The following KCNK13 variants were observed in gnomAD, a reference collection of about 807,000 sequenced individuals.
KCNK13 encodes the protein potassium two pore domain channel subfamily K member 13.
In KCNK13, 12 loss-of-function variants were observed where a neutral mutation model predicts 23.4. The observed-to-expected ratio is 0.51, with a 90% CI of 0.33 to 0.83. KCNK13 has a LOEUF of 0.83. Among genes scored for constraint, KCNK13 ranks in the 40% least tolerant of loss-of-function variants. The pLI is 0.02. For missense variants in KCNK13, 463 were observed against 556.3 expected (o/e 0.83, Z 1.69); for synonymous variants, 231 against 229.5 (o/e 1.01, Z -0.06).
At chr14:90,176,185 A>G (rs967144812) in intron 1 of KCNK13, among the ~76,000 whole-genome samples, 1 of 152,198 alleles carries the variant, frequency 6.6e-6, no homozygotes, top group African/African-American at 2.4e-5. Context: ...AGAAGTCTGC[A>G]TTGCAGACAT....
At chr14:90,128,161 C>T (rs1889824972) in intron 1 of KCNK13, among the ~76,000 whole-genome samples, 1 of 152,180 alleles carries the variant, frequency 6.6e-6, no homozygotes, top group Non-Finnish European at 1.5e-5. Context: ...TCGTCTTTAA[C>T]ACTGGATCAA....
intron 1 of KCNK13, among the ~76,000 whole-genome samples, chr14:90,138,136 C>T (rs1889960479): frequency 6.6e-6 from 1 of 152,054 alleles, no homozygotes; most frequent in South Asian, 2.1e-4. Context: ...CTTTTTATTT[C>T]CATGCTATTT....
intron 1 of KCNK13, among the ~76,000 whole-genome samples, chr14:90,148,181 T>TAAC (rs903043870): frequency 1.3e-5 from 2 of 152,068 alleles, no homozygotes; most frequent in African/African-American, 2.4e-5. Context: ...ATAATAATAA[T>TAAC]AACAAGTCTT....
chr14:90,139,834 C>T (rs939614559), intron 1 of KCNK13, among the ~76,000 whole-genome samples: 5 of 152,104 alleles, frequency 3.3e-5, no homozygotes, highest in South Asian at 4.2e-4. Flanking sequence ...TCATGGCACA[C>T]GCCTGTAGTC....
intron 1 of KCNK13, among the ~76,000 whole-genome samples, chr14:90,151,998 G>T (rs572450278): frequency 1.3e-5 from 2 of 151,946 alleles, no homozygotes; most frequent in South Asian, 2.1e-4. Flanking sequence ...TTTTTATGTC[G>T]ATACTGTATT....
At chr14:90,107,095 G>A (rs1011319047) in intron 1 of KCNK13, among the ~76,000 whole-genome samples, 4 of 152,144 alleles carry the variant, frequency 2.6e-5, no homozygotes, top group Non-Finnish European at 4.4e-5. Context: ...TTGTACCTGC[G>A]GGTAGGCTGA....
intron 1 of KCNK13, among the ~76,000 whole-genome samples, chr14:90,092,808 A>G (rs2140401929): frequency 6.7e-6 from 1 of 148,302 alleles, no homozygotes; most frequent in African/African-American, 2.5e-5. Flanking sequence ...TCTACTCAGG[A>G]GGCTGAAGTG....
At chr14:90,157,757 G>A (rs4900024) in intron 1 of KCNK13, among the ~76,000 whole-genome samples, 55,862 of 142,558 alleles carry the variant, frequency 0.39, 11,555 homozygotes, top group East Asian at 0.84. Context: ...GCTGGAGTGC[G>A]ATGGCCTGAT....
At chr14:90,171,319 T>C (rs572067688) in intron 1 of KCNK13, among the ~76,000 whole-genome samples, 4 of 152,328 alleles carry the variant, frequency 2.6e-5, no homozygotes, top group African/African-American at 9.6e-5. Context: ...ATCCCATTAT[T>C]CCTTCTTGGT....
In KCNK13 at chr14:90,184,718, G is replaced by A. The variant is rs1890528666; in HGVS notation, c.942G>A (p.Val314=). 1.2e-6 allele frequency: 2 copies of A among 1,614,200 alleles called. No homozygotes were observed. The highest frequency in any genetic ancestry group is 1.7e-6 in the Non-Finnish European group (2 of 1,180,048). ...RGLLRSRRNV[V]MPGSVRNRCN... The stretch of plus-strand genomic sequence containing the variant: ...TCTTGCGATCACGCAGGAACGTGGT[G>A]ATGCCAGGCAGCGTCCGGAACCGCT... Residue 314 remains valine (V), a synonymous_variant, in exon 2 of 2, where the codon GTG becomes GTA. Transcript: ENST00000282146. The surrounding 1 kb of genome is among the most constrained non-coding windows in gnomAD (Gnocchi z 5.6).
chr14:90,108,007 G>T (rs2140410572), intron 1 of KCNK13: 3 of 686,590 alleles, frequency 4.4e-6, no homozygotes, highest in South Asian at 2.9e-5. Context: ...CACAGAGCAG[G>T]CCACACGCTG....
chr14:90,062,526 C>A lies in KCNK13; in HGVS notation c.321C>A (p.Val107=), dbSNP rs1888957386. The A allele has an allele frequency of 1.3e-6, 2 of 1,513,268 alleles. No homozygotes were observed. Among genetic ancestry groups the A allele is most frequent in the East Asian group, 5.0e-5 (2 of 39,888 alleles). 93.7% of individuals were successfully genotyped at this position (1,513,268 alleles called of 1,614,324 possible). A position where few individuals can be genotyped will look rare whatever the true frequency, so the allele number is the denominator to read the frequency against. Residue 107 remains valine (V), a synonymous_variant, in exon 1 of 2, where the codon GTC becomes GTA. Coordinates refer to ENST00000282146, the MANE Select transcript of KCNK13 (RefSeq NM_022054.4). This position sits in a 1 kb window ranked among gnomAD's most constrained non-coding sequence, Gnocchi z 4.5. ...FTGAFYFVGT[V]VSTIGFGMTT... Reference sequence around the variant, plus strand: ...GCGCCTTCTACTTCGTGGGCACCGTCGTTTCCACCATAGGTAAGTGTGCTG... The same window carrying A: ...GCGCCTTCTACTTCGTGGGCACCGTAGTTTCCACCATAGGTAAGTGTGCTG...
chr14:90,074,549 G>GT (rs1231868169), intron 1 of KCNK13, among the ~76,000 whole-genome samples: 2 of 152,134 alleles, frequency 1.3e-5, no homozygotes, highest in Non-Finnish European at 2.9e-5. Flanking sequence ...TTTTAAAAAG[G>GT]TTTTGTGAGA....
At chr14:90,139,017 T>G (rs1889971338) in intron 1 of KCNK13, among the ~76,000 whole-genome samples, 1 of 152,086 alleles carries the variant, frequency 6.6e-6, no homozygotes. Context: ...AAGTGTTTTG[T>G]TCCGTTAATC....
chr14:90,100,521 G>C (rs1270440866), intron 1 of KCNK13, among the ~76,000 whole-genome samples: 1 of 152,146 alleles, frequency 6.6e-6, no homozygotes, highest in Admixed American at 6.5e-5. Context: ...AGGATGTTAG[G>C]GAGGCCGCAA....
intron 1 of KCNK13, among the ~76,000 whole-genome samples, chr14:90,166,299 A>G (rs1890301559): frequency 6.6e-6 from 1 of 152,256 alleles, no homozygotes; most frequent in Non-Finnish European, 1.5e-5. Context: ...CTGCAAAATG[A>G]TAGCTCAAGC....
At chr14:90,110,340 C>T (rs1001712736) in intron 1 of KCNK13, among the ~76,000 whole-genome samples, 1 of 151,970 alleles carries the variant, frequency 6.6e-6, no homozygotes, top group African/African-American at 2.4e-5. Flanking sequence ...GGTAAAACCC[C>T]GTCTCTACTA....
Position 90,150,398 on chromosome 14 carries a change from C to T in KCNK13, c.335-33713C>T, listed in dbSNP as rs553530798. The stretch of plus-strand genomic sequence containing the variant: ...GGAGGCTAAGGCGAAGGACTGTTAG[C>T]GGCCAGGAGTTCAAGACAAGCCTGG... On this transcript the variant is annotated intron_variant, in intron 1 of 1. Transcript: ENST00000282146. Among the ~76,000 whole-genome samples the T allele has an allele frequency of 1.4e-4, 21 of 152,178 alleles. No homozygotes were observed. In the East Asian group the frequency reaches 3.7e-3, roughly 27 times the overall value.
chr14:90,108,815 T>G (rs1017333226), intron 1 of KCNK13, among the ~76,000 whole-genome samples: 2 of 152,130 alleles, frequency 1.3e-5, no homozygotes, highest in African/African-American at 4.8e-5. Flanking sequence ...ATGTAAAACA[T>G]TGAGAAAACT....
Sources: gnomAD v4.1 joint callset for allele counts (sites outside exome capture counted in the v4.1 genomes callset) on GRCh38, gnomAD v4.1.1 for gene constraint, Gnocchi (gnomAD v3.1) non-coding constraint, MANE v1.5 for transcripts, NCBI Gene and HGNC (gene_info 2026-07-23, HGNC 2026-07-21) for gene names.